TMED1: variants seen among roughly 807,000 people sequenced by gnomAD.
TMED1 encodes transmembrane emp24 domain-containing protein 1.
A neutral mutation model predicts 21.2 loss-of-function variants in TMED1; 20 were observed. That is an observed-to-expected ratio of 0.95 (90% CI 0.67 to 1.37). The LOEUF is 1.37. Ranked by LOEUF, TMED1 falls within the 40% of genes most tolerant of loss-of-function variation. TMED1 has a pLI of 0.00. For synonymous variants in TMED1, 149 were observed against 134.7 expected, an observed-to-expected ratio of 1.11 and a Z score of -0.74; for missense variants, 316 against 309.8, an observed-to-expected ratio of 1.02 and a Z score of -0.15.
At chr19:10,835,970 TC>T (rs2073423279) in intron 1 of TMED1, 38 bp downstream of exon 1, 1 of 1,538,482 alleles carries the variant, frequency 6.5e-7, no homozygotes, top group Non-Finnish European at 8.8e-7. Flanking sequence ...ACGCCCCCTC[TC>T]CCTGACTCTG....
Position 10,832,938 on chromosome 19 carries a change from C to T in TMED1, c.*57G>A, listed in dbSNP as rs1365860654. The T allele has an allele frequency of 1.3e-6, 2 of 1,587,704 alleles. No homozygotes were observed. The highest frequency in any genetic ancestry group is 2.2e-5 in the East Asian group (1 of 44,602). On this transcript the variant is annotated 3_prime_UTR_variant, in exon 4 of 4. Coordinates refer to ENST00000214869, the MANE Select transcript of TMED1 (RefSeq NM_006858.4). ...AAATTGGGGAGGGACCCCCAAGTCT[C>T]ATATGCACACACCCTGCTGCCCCTC...
intron 1 of TMED1, 89 bp downstream of exon 1, chr19:10,835,920 C>T: frequency 1.4e-6 from 2 of 1,469,494 alleles, no homozygotes; most frequent in East Asian, 2.6e-5. Context: ...GGATTCCTCC[C>T]CCTTCCTCCT....
chr19:10,836,141 T>G lies in TMED1; in HGVS notation c.51A>C (p.Pro17=). 1 of 1,565,254 alleles carries G rather than the reference T, an allele frequency of 6.4e-7. No homozygotes were observed. The highest frequency in any genetic ancestry group is 8.6e-7 in the Non-Finnish European group (1 of 1,156,222). The change falls in exon 1 of 4, where the codon CCA becomes CCC. Residue 17 remains proline, a synonymous_variant. Coordinates refer to ENST00000214869, the MANE Select transcript of TMED1 (RefSeq NM_006858.4). ...GCCCCGCCCCTCCCACCTCCACTGG[T>G]GGCATTAGTAGCCACAAGGCCAGGG... The part of the protein sequence containing the change: ...ALALALWLLM[P]PVEVGGAGPP...
In TMED1 at chr19:10,832,894, C is replaced by T. The variant is rs1341099573; in HGVS notation, c.*101G>A. On this transcript the variant is annotated 3_prime_UTR_variant, in exon 4 of 4. Coordinates refer to ENST00000214869, the MANE Select transcript of TMED1 (RefSeq NM_006858.4). ...GACCGCAGGCCCTGACTGCACACTCCCGTTTTGGCAGGAAACTAAAATTGG... is the reference window on the plus strand; with the variant it reads ...GACCGCAGGCCCTGACTGCACACTCTCGTTTTGGCAGGAAACTAAAATTGG... The T allele has an allele frequency of 7.3e-7, 1 of 1,369,950 alleles. No homozygotes were observed. The highest frequency in any genetic ancestry group is 2.1e-4 in the Middle Eastern group (1 of 4,866). The allele number at this position is 1,369,950 out of a possible 1,614,324, so 84.9% of individuals were successfully genotyped here.
In TMED1 at chr19:10,832,753, C is replaced by G. The variant is rs2073373364; in HGVS notation, c.*242G>C. 3.3e-6 allele frequency: 2 copies of G among 603,186 alleles called. No individual in the cohort carries two copies. The highest frequency in any genetic ancestry group is 5.9e-6 in the Non-Finnish European group (2 of 340,432). 37.4% of individuals were successfully genotyped at this position (603,186 alleles called of 1,614,324 possible). On this transcript the variant is annotated 3_prime_UTR_variant, in exon 4 of 4. Transcript: ENST00000214869. ...GAAATCCGAGGCTCACGTTCCAACG[C>G]TGCAGTGCCCACCATGTGAGATTTC...
At position 10,835,318 on chromosome 19, in the gene TMED1, CG is replaced by C; in HGVS notation, c.218del (p.Thr73SerfsTer51). 6.2e-7 allele frequency: 1 copy of C among 1,613,850 alleles called. No individual in the cohort carries two copies. The highest frequency in any genetic ancestry group is 8.5e-7 in the Non-Finnish European group (1 of 1,179,932). ...IGGAGLDVDF[T>X]LESPQGVLLV... Reference sequence around the variant, plus strand: ...ACAGCACGCCCTGAGGGCTCTCCAGCGTGAAGTCCACGTCCAGTCCAGCACC... The same window carrying C: ...ACAGCACGCCCTGAGGGCTCTCCAGCTGAAGTCCACGTCCAGTCCAGCACC... On this transcript the variant is annotated frameshift_variant, in exon 2 of 4. Coordinates refer to ENST00000214869, the MANE Select transcript of TMED1 (RefSeq NM_006858.4). LOFTEE classifies it high-confidence loss of function.
Position 10,835,771 on chromosome 19 carries a change from C to A in TMED1, c.183+238G>T, listed in dbSNP as rs1046862288. 7.7e-6 allele frequency: 11 copies of A among 1,420,956 alleles called. No homozygotes were observed. In the Admixed American group the frequency reaches 3.3e-4, roughly 43 times the overall value. 88.0% of individuals were successfully genotyped at this position (1,420,956 alleles called of 1,614,324 possible). A position where few individuals can be genotyped will look rare whatever the true frequency, so the allele number is the denominator to read the frequency against. On this transcript the variant is annotated intron_variant, in intron 1 of 3. Coordinates refer to ENST00000214869, the MANE Select transcript of TMED1 (RefSeq NM_006858.4). The stretch of plus-strand genomic sequence containing the variant: ...CCTGTCCTCTCAGAGGCTCCCTATA[C>A]TTATCGATGGCCCCGCCCCCTCTGG...
chr19:10,832,333 C>A lies in TMED1; in HGVS notation c.*662G>T. The stretch of plus-strand genomic sequence containing the variant: ...CCACCTCCATCGGCTCCCGCACGAC[C>A]TTTCTTCTGAGCTTCGTGGGAGGCC... On this transcript the variant is annotated 3_prime_UTR_variant, in exon 4 of 4. Transcript: ENST00000214869. 1 of 1,289,874 alleles carries A rather than the reference C, an allele frequency of 7.8e-7. No individual in the cohort carries two copies. The highest frequency in any genetic ancestry group is 1.0e-6 in the Non-Finnish European group (1 of 988,906). The allele number at this position is 1,289,874 out of a possible 1,614,324, so 79.9% of individuals were successfully genotyped here.
At chr19:10,833,875 GAC>G (rs1291888233) in intron 3 of TMED1, among the ~76,000 whole-genome samples, 1 of 152,148 alleles carries the variant, frequency 6.6e-6, no homozygotes, top group African/African-American at 2.4e-5. Flanking sequence ...CAGCCTGAGT[GAC>G]ACAGCAAGAC....
chr19:10,835,211 G>C (rs1243626194), intron 2 of TMED1, 45 bp downstream of exon 2: 1 of 1,613,404 alleles, frequency 6.2e-7, no homozygotes, highest in East Asian at 2.2e-5. Context: ...CCTGGGAAGG[G>C]CAGGGCTGTA....
chr19:10,835,331 T>C lies in TMED1; in HGVS notation c.206A>G (p.Asp69Gly), dbSNP rs1249347747. 6.2e-7 allele frequency: 1 copy of C among 1,613,608 alleles called. No homozygotes were observed. The highest frequency in any genetic ancestry group is 2.2e-5 in the East Asian group (1 of 44,868). Residue 69 changes from aspartate (D) to glycine (G), a missense_variant, in exon 2 of 4, where the codon GAC becomes GGC. Asp to Gly is a moderately conservative substitution (Grantham distance 94). Transcript: ENST00000214869. Reference sequence around the variant, plus strand: ...AGGGCTCTCCAGCGTGAAGTCCACGTCCAGTCCAGCACCTCCGATCACCTG... The same window carrying C: ...AGGGCTCTCCAGCGTGAAGTCCACGCCCAGTCCAGCACCTCCGATCACCTG... ...EYQVIGGAGL[D>G]VDFTLESPQG... is the part of the protein sequence containing the mutation.
Position 10,834,966 on chromosome 19 carries a change from CCTCGGGCT to C in TMED1, c.425_432del (p.Glu142GlyfsTer6), listed in dbSNP as rs757933719. 8.1e-6 allele frequency: 13 copies of C among 1,614,186 alleles called. No homozygotes were observed. The highest frequency in any genetic ancestry group is 1.1e-5 in the Non-Finnish European group (13 of 1,180,004). ...TCCTCCATTTTAACATCCAGCATCT[CCTCGGGCT>C]CCACAGCCTCTGCCCATCCTTCGAC... On this transcript the variant is annotated frameshift_variant, in exon 3 of 4. Transcript: ENST00000214869. LOFTEE classifies it high-confidence loss of function.
At position 10,835,999 on chromosome 19, in the gene TMED1, G is replaced by A; in HGVS notation, c.183+10C>T. 1 of 1,574,744 alleles carries A rather than the reference G, an allele frequency of 6.4e-7. No homozygotes were observed. Among genetic ancestry groups the A allele is most frequent in the Non-Finnish European group, 8.6e-7 (1 of 1,160,852 alleles). On this transcript the variant is annotated intron_variant, in intron 1 of 3. Coordinates refer to ENST00000214869, the MANE Select transcript of TMED1 (RefSeq NM_006858.4). ...TGACTCTGCTGGCCGCCCAGCCCGCGACCCTCTACCTGGTATTCGGTCTCG... is the reference window on the plus strand; with the variant it reads ...TGACTCTGCTGGCCGCCCAGCCCGCAACCCTCTACCTGGTATTCGGTCTCG...
At chr19:10,835,917 T>G (rs2073422430) in intron 1 of TMED1, 92 bp downstream of exon 1, 3 of 1,458,738 alleles carry the variant, frequency 2.1e-6, no homozygotes, top group East Asian at 5.3e-5. Context: ...CACGGATTCC[T>G]CCCCCTTCCT....
chr19:10,836,195 G>A lies in TMED1; in HGVS notation c.-4C>T, dbSNP rs751616372. The A allele has an allele frequency of 6.5e-7, 1 of 1,548,250 alleles. No individual in the cohort carries two copies. Among genetic ancestry groups the A allele is most frequent in the African/African-American group, 1.4e-5 (1 of 73,120 alleles). ...GGGCCGCGCCGGCCGCCATCATCCG[G>A]GTCACCCTCTGGTCTGCAAAGGGGT... is the stretch of plus-strand genomic sequence containing the variant. On this transcript the variant is annotated 5_prime_UTR_variant, in exon 1 of 4. Coordinates refer to ENST00000214869, the MANE Select transcript of TMED1 (RefSeq NM_006858.4).
chr19:10,836,148 A>G lies in TMED1; in HGVS notation c.44T>C (p.Leu15Pro). ...GAALALALWL[L>P]MPPVEVGGAG... is the part of the protein sequence containing the mutation. ...CCCTCCCACCTCCACTGGTGGCATT[A>G]GTAGCCACAAGGCCAGGGCTAGGGC... Residue 15 changes from leucine (L) to proline (P), a missense_variant, in exon 1 of 4, where the codon CTA (leucine) becomes CCA (proline). Transcript: ENST00000214869. 1 of 1,565,208 alleles carries G rather than the reference A, an allele frequency of 6.4e-7. No homozygotes were observed. The highest frequency in any genetic ancestry group is 1.3e-5 in the African/African-American group (1 of 74,112).
chr19:10,836,063 C>T lies in TMED1; in HGVS notation c.129G>A (p.Lys43=). The change falls in exon 1 of 4, where the codon AAG becomes AAA. Residue 43 remains lysine (K), a synonymous_variant. Coordinates refer to ENST00000214869, the MANE Select transcript of TMED1 (RefSeq NM_006858.4). The part of the protein sequence containing the change: ...EFTFLLPAGR[K]QCFYQSAPAN... ...CCGGCGCGGACTGGTAGAAACACTG[C>T]TTCCTCCCCGCCGGCAACAGGAACG... is the stretch of plus-strand genomic sequence containing the variant. The T allele has an allele frequency of 6.3e-7, 1 of 1,596,576 alleles. No homozygotes were observed. Among genetic ancestry groups the T allele is most frequent in the Non-Finnish European group, 8.5e-7 (1 of 1,172,026 alleles).
intron 3 of TMED1, 109 bp from the exon 4 acceptor site, chr19:10,833,322 C>T (rs1412078656): frequency 2.3e-6 from 2 of 860,532 alleles, no homozygotes; most frequent in Non-Finnish European, 1.8e-6. Flanking sequence ...CTGGGAGGTA[C>T]AGCTGCAAAC....
At chr19:10,834,851 G>A (rs768033646) in intron 3 of TMED1, 83 bp downstream of exon 3, 4 of 1,478,484 alleles carry the variant, frequency 2.7e-6, no homozygotes, top group Non-Finnish European at 3.7e-6. Flanking sequence ...ACTACGGAGG[G>A]GAGGCTGGGT....
Sources: gnomAD v4.1 joint callset for allele counts (sites outside exome capture counted in the v4.1 genomes callset) on GRCh38, gnomAD v4.1.1 for gene constraint, MANE v1.5 for transcripts, NCBI Gene and HGNC (gene_info 2026-07-23, HGNC 2026-07-21) for gene names.